Variants in DNAH11 observed in about 807,000 individuals in gnomAD.
DNAH11 encodes dynein axonemal heavy chain 11, also known as axonemal beta dynein heavy chain 11.
In DNAH11, 442 loss-of-function variants were observed where a neutral mutation model predicts 526.0. The ratio of observed to expected loss-of-function variants is 0.84; its 90% CI spans 0.78 to 0.91. The LOEUF is 0.91. DNAH11 is among the 40% of genes least tolerant of loss of function. DNAH11 has a pLI of 0.00. For synonymous variants in DNAH11, 2,461 were observed against 1,935.9 expected (o/e 1.27, Z -7.12); for missense variants, 6,989 against 5,448.7 (o/e 1.28, Z -8.90).
chr7:21,844,156 C>T (rs1012716183), intron 66 of DNAH11, among the ~76,000 whole-genome samples: 1 of 152,170 alleles, frequency 6.6e-6, no homozygotes, highest in South Asian at 2.1e-4. Context: ...TGGCTCATAC[C>T]TGTAATACCA....
chr7:21,654,705 G>A (rs531508973), intron 28 of DNAH11, among the ~76,000 whole-genome samples: 5 of 152,270 alleles, frequency 3.3e-5, no homozygotes, highest in Admixed American at 6.5e-5. Flanking sequence ...TGAATAACAA[G>A]GGAACATGTA....
Position 21,591,349 on chromosome 7 carries a change from C to G in DNAH11, c.2439C>G (p.Ile813Met), listed in dbSNP as rs777520840. The change falls in exon 14 of 82, where the codon ATC (isoleucine) becomes ATG (methionine). Residue 813 changes from isoleucine (I) to methionine (M), a missense_variant. Coordinates refer to ENST00000409508, the MANE Select transcript of DNAH11 (RefSeq NM_001277115.2). ...GGCAGGATGACTGCTGGGGCTACAT[C>G]GAGAGGGTGAGGGCAGCCACGTCCG... ...LTWQDDCWGY[I>M]ERVRAATSEL... is the part of the protein sequence containing the mutation. 7 of 1,613,696 alleles carry G rather than the reference C, an allele frequency of 4.3e-6. No individual in the cohort carries two copies. Among genetic ancestry groups the G allele is most frequent in the Non-Finnish European group, 5.1e-6 (6 of 1,179,692 alleles).
chr7:21,789,172 C>G, intron 60 of DNAH11, 69 bp from the exon 61 acceptor site: 1 of 1,100,664 alleles, frequency 9.1e-7, no homozygotes, highest in Non-Finnish European at 1.3e-6. Flanking sequence ...AATTGTAAAG[C>G]ATCCATCCTA....
chr7:21,865,709 C>T (rs1031536657), intron 70 of DNAH11, among the ~76,000 whole-genome samples: 4 of 152,032 alleles, frequency 2.6e-5, no homozygotes, highest in Non-Finnish European at 1.5e-5. Context: ...TCTTGGATCT[C>T]GTGCAAGAAA....
intron 28 of DNAH11, among the ~76,000 whole-genome samples, chr7:21,651,815 A>C (rs938831637): frequency 6.6e-6 from 1 of 152,208 alleles, no homozygotes; most frequent in Non-Finnish European, 1.5e-5. Flanking sequence ...CACATAGTTG[A>C]TTACTAACTC....
intron 20 of DNAH11, among the ~76,000 whole-genome samples, chr7:21,611,057 CAGG>C (rs1447147344): frequency 1.3e-5 from 2 of 152,152 alleles, no homozygotes; most frequent in African/African-American, 2.4e-5. Flanking sequence ...TCTGAGGACA[CAGG>C]AGAGACTGGT....
At chr7:21,655,066 T>TC (rs1562732013) in intron 28 of DNAH11, among the ~76,000 whole-genome samples, 1 of 150,628 alleles carries the variant, frequency 6.6e-6, no homozygotes, top group East Asian at 2.0e-4. Context: ...GTTGTTGGTT[T>TC]TCCCCCCCCA....
rs544582277 is a variant in DNAH11, at chr7:21,592,292, G to T, written c.2667+715G>T. On this transcript the variant is annotated intron_variant, in intron 14 of 81. Coordinates refer to ENST00000409508, the MANE Select transcript of DNAH11 (RefSeq NM_001277115.2). Reference sequence around the variant, plus strand: ...AGTCGCTTGCGGGTAGGGTGGTTGGGCAGGCCTCTTTCCTAAGATAGTATT... The same window carrying T: ...AGTCGCTTGCGGGTAGGGTGGTTGGTCAGGCCTCTTTCCTAAGATAGTATT... 1.5e-4 allele frequency among the ~76,000 whole-genome samples: 23 copies of T among 152,318 alleles called. No homozygotes were observed. In the South Asian group the frequency reaches 4.4e-3, roughly 29 times the overall value.
At chr7:21,740,672 C>G (rs1562520292) in intron 48 of DNAH11, among the ~76,000 whole-genome samples, 1 of 152,190 alleles carries the variant, frequency 6.6e-6, no homozygotes, top group Non-Finnish European at 1.5e-5. Context: ...GTGAATAATG[C>G]TGCTGCGAAC....
At chr7:21,710,783 A>G (rs1784436724) in intron 41 of DNAH11, 80 bp downstream of exon 41, 7 of 1,386,956 alleles carry the variant, frequency 5.0e-6, no homozygotes, top group African/African-American at 1.5e-5. Context: ...CGATGTTAAT[A>G]CTAGTTTTTG....
chr7:21,722,730 T>A (rs1784928937), intron 44 of DNAH11, among the ~76,000 whole-genome samples: 1 of 152,178 alleles, frequency 6.6e-6, no homozygotes, highest in Non-Finnish European at 1.5e-5. Context: ...CATGTGGCTT[T>A]CTCAGAGGCA....
chr7:21,771,511 A>G (rs1006238743), intron 55 of DNAH11, among the ~76,000 whole-genome samples: 6 of 152,214 alleles, frequency 3.9e-5, no homozygotes, highest in African/African-American at 1.4e-4. Context: ...CTGAGAGAGT[A>G]GAAATTAAAC....
chr7:21,580,019 C>A (rs76940851), intron 8 of DNAH11, among the ~76,000 whole-genome samples: 1 of 152,062 alleles, frequency 6.6e-6, no homozygotes, highest in Admixed American at 6.6e-5. Flanking sequence ...AGAAGAGCAG[C>A]TTTGTAGAGA....
chr7:21,816,508 G>A lies in DNAH11; in HGVS notation c.10374G>A (p.Met3458Ile), dbSNP rs752635123. The A allele has an allele frequency of 1.2e-6, 2 of 1,611,572 alleles. No individual in the cohort carries two copies. The highest frequency in any genetic ancestry group is 1.1e-5 in the South Asian group (1 of 90,284). Reference protein sequence around the residue: ...PLTEGLDLISMLTDDATIAAW... With the variant: ...PLTEGLDLISILTDDATIAAW... ...CCGAAGGCCTGGACTTGATATCCATGTTGACGGATGATGCTACAATTGCCG... is the reference window on the plus strand; with the variant it reads ...CCGAAGGCCTGGACTTGATATCCATATTGACGGATGATGCTACAATTGCCG... The change falls in exon 64 of 82, where the codon ATG becomes ATA. Residue 3458 changes from methionine to isoleucine, a missense_variant. By Grantham distance (10) the Met-to-Ile change is conservative. Coordinates refer to ENST00000409508, the MANE Select transcript of DNAH11 (RefSeq NM_001277115.2).
chr7:21,581,420 T>A (rs79092047), intron 8 of DNAH11, among the ~76,000 whole-genome samples: 1 of 152,228 alleles, frequency 6.6e-6, no homozygotes, highest in East Asian at 1.9e-4. Context: ...TGGATTTCAG[T>A]TCTCACCTGA....
chr7:21,613,679 T>C (rs1272417288), intron 20 of DNAH11, among the ~76,000 whole-genome samples: 2 of 152,198 alleles, frequency 1.3e-5, no homozygotes, highest in Non-Finnish European at 2.9e-5. Context: ...AGATTTTAAG[T>C]GTTCTCACCA....
chr7:21,710,451 A>G (rs759170582), intron 40 of DNAH11, 102 bp from the exon 41 acceptor site: 1 of 1,009,392 alleles, frequency 9.9e-7, no homozygotes, highest in Non-Finnish European at 1.4e-6. Context: ...CGCAAGAAAG[A>G]GGCAGCAAAA....
intron 76 of DNAH11, among the ~76,000 whole-genome samples, chr7:21,888,422 C>CT (rs1319795258): frequency 6.6e-6 from 1 of 152,140 alleles, no homozygotes; most frequent in East Asian, 1.9e-4. Context: ...ACATAGTGGG[C>CT]TGGATGCTGG....
intron 30 of DNAH11, among the ~76,000 whole-genome samples, chr7:21,672,655 A>G (rs1012916017): frequency 2.0e-5 from 3 of 152,218 alleles, no homozygotes; most frequent in Non-Finnish European, 2.9e-5. Flanking sequence ...GGGTGTCCCC[A>G]TATTGGGAGA....
Sources: gnomAD v4.1 joint callset for allele counts (sites outside exome capture counted in the v4.1 genomes callset) on GRCh38, gnomAD v4.1.1 for gene constraint, MANE v1.5 for transcripts, NCBI Gene and HGNC (gene_info 2026-07-23, HGNC 2026-07-21) for gene names.